Variants in LIMD1 observed in about 807,000 individuals in gnomAD.
LIMD1 encodes the protein LIM domain-containing protein 1.
A neutral mutation model predicts 58.4 loss-of-function variants in LIMD1; 23 were observed. The ratio of observed to expected loss-of-function variants is 0.39; its 90% CI spans 0.28 to 0.56. The LOEUF (loss-of-function observed/expected upper bound fraction) is 0.56, where lower values mean the gene tolerates loss of function less well. LIMD1 is among the 20% of genes least tolerant of loss of function. LIMD1 has a pLI of 0.57. For missense variants in LIMD1, 838 were observed against 855.5 expected (o/e 0.98, Z 0.25); for synonymous variants, 334 against 345.5 (o/e 0.97, Z 0.37).
At chr3:45,619,565 A>G (rs2125653562) in intron 1 of LIMD1, among the ~76,000 whole-genome samples, 1 of 152,290 alleles carries the variant, frequency 6.6e-6, no homozygotes, top group South Asian at 2.1e-4. Flanking sequence ...TTGGGAGGCC[A>G]AGATGGGCAG....
At chr3:45,615,846 A>G (rs1396193605) in intron 1 of LIMD1, among the ~76,000 whole-genome samples, 1 of 147,366 alleles carries the variant, frequency 6.8e-6, no homozygotes, top group African/African-American at 2.5e-5. Flanking sequence ...TCCGCACTGT[A>G]TGTCCATAGG....
chr3:45,635,499 A>C (rs192755236), intron 1 of LIMD1, among the ~76,000 whole-genome samples: 1 of 152,194 alleles, frequency 6.6e-6, no homozygotes, highest in African/African-American at 2.4e-5. Flanking sequence ...ACTTGCTTGC[A>C]GTCTGACAAA....
rs1456136603 is a variant in LIMD1, at chr3:45,596,226, A to G, written c.1347A>G (p.Leu449=). The G allele has an allele frequency of 6.2e-7, 1 of 1,613,140 alleles. No homozygotes were observed. Among genetic ancestry groups the G allele is most frequent in the East Asian group, 2.2e-5 (1 of 44,874 alleles). Residue 449 remains leucine, a synonymous_variant, in exon 1 of 8, where the codon TTA becomes TTG. Transcript: ENST00000273317. ...GACCCTCTGCTGCTGAGTTGAAATT[A>G]GAAGCCCTCACCCAACGTCTGGAGC... is the stretch of plus-strand genomic sequence containing the variant. ...ELRPSAAELK[L]EALTQRLERE... is the part of the protein sequence containing the mutation.
chr3:45,641,870 A>G (rs1314292277), intron 2 of LIMD1, among the ~76,000 whole-genome samples: 1 of 152,238 alleles, frequency 6.6e-6, no homozygotes, highest in Non-Finnish European at 1.5e-5. Context: ...ACTGCAGCTA[A>G]GTGGTCTCAG....
chr3:45,594,827 ACACACACACACACACACG>A lies in LIMD1; in HGVS notation c.-52_-35del, dbSNP rs1347647319. 2 of 827,178 alleles carry A rather than the reference ACACACACACACACACACG, an allele frequency of 2.4e-6. No homozygotes were observed. Among genetic ancestry groups the A allele is most frequent in the African/African-American group, 2.2e-5 (1 of 46,058 alleles). The allele number at this position is 827,178 out of a possible 1,614,324, so 51.2% of individuals were successfully genotyped here. ...CACACACACACACACACACACACAC[ACACACACACACACACACG>A]GCACCTGGGCTAGGCCCGGACACCT... On this transcript the variant is annotated 5_prime_UTR_variant, in exon 1 of 8. Transcript: ENST00000273317.
rs1697536752 is a variant in LIMD1, at chr3:45,667,643, AT to A, written c.1579-648del. Among the ~76,000 whole-genome samples, 3 of 151,508 alleles carry A rather than the reference AT, an allele frequency of 2.0e-5. No homozygotes were observed. In the South Asian group the frequency reaches 6.3e-4, roughly 32 times the overall value. On this transcript the variant is annotated intron_variant, in intron 3 of 7. Coordinates refer to ENST00000273317, the MANE Select transcript of LIMD1 (RefSeq NM_014240.3). ...TAAGATAAGGTAAGGTAAAGTAGAT[AT>A]TTATTAAGTTTCTTTGAAGCTAACT... is the stretch of plus-strand genomic sequence containing the variant.
chr3:45,597,353 T>C (rs1188775712), intron 1 of LIMD1, among the ~76,000 whole-genome samples: 1 of 152,158 alleles, frequency 6.6e-6, no homozygotes, highest in African/African-American at 2.4e-5. Context: ...TAACCCAGCC[T>C]ACACCCAGGT....
chr3:45,651,122 G>A (rs544787846), intron 2 of LIMD1, among the ~76,000 whole-genome samples: 6 of 152,116 alleles, frequency 3.9e-5, no homozygotes. Flanking sequence ...TCTGTTGGCT[G>A]CATAAATGTC....
intron 2 of LIMD1, among the ~76,000 whole-genome samples, chr3:45,663,701 T>G (rs1015153288): frequency 9.9e-5 from 15 of 152,014 alleles, no homozygotes; most frequent in African/African-American, 3.6e-4. Flanking sequence ...ATTGGTGTTC[T>G]TTGTGTCTTA....
chr3:45,675,061 G>A (rs964304769), intron 7 of LIMD1, among the ~76,000 whole-genome samples: 2 of 152,218 alleles, frequency 1.3e-5, no homozygotes, highest in African/African-American at 4.8e-5. Context: ...TGGTGACCCT[G>A]TGGGTAGAGA....
rs189239345 is a variant in LIMD1, at chr3:45,655,811, G to C, written c.1511-9839G>C. 3.3e-5 allele frequency among the ~76,000 whole-genome samples: 5 copies of C among 152,214 alleles called. No homozygotes were observed. The East Asian group carries it at 5.8e-4, about 18-fold the overall frequency. ...CAGCTCCCTAGTGTTACGTCTCTACGTATGAGCCGCCATAACAAGTCAGTG... is the reference window on the plus strand; with the variant it reads ...CAGCTCCCTAGTGTTACGTCTCTACCTATGAGCCGCCATAACAAGTCAGTG... On this transcript the variant is annotated intron_variant, in intron 2 of 7. Transcript: ENST00000273317.
At chr3:45,657,908 C>T (rs574424426) in intron 2 of LIMD1, among the ~76,000 whole-genome samples, 15 of 152,156 alleles carry the variant, frequency 9.9e-5, no homozygotes, top group African/African-American at 2.9e-4. Flanking sequence ...TATTTCTGCC[C>T]GACTCTTTAC....
Position 45,668,295 on chromosome 3 carries a change from A to T in LIMD1, c.1580A>T (p.Tyr527Phe), listed in dbSNP as rs200959391. The change falls in exon 4 of 8, where the codon TAC (tyrosine) becomes TTC (phenylalanine). Residue 527 changes from tyrosine to phenylalanine, a missense_variant and splice_region_variant. Physicochemically the swap from Tyr to Phe is conservative, Grantham distance 22. Transcript: ENST00000273317. ...GKVFCEEDFL[Y>F]SGFQQSADRC... ...CTTTCTTTTCTTTTTCTTCTGCAGT[A>T]CTCTGGTTTCCAGCAGTCGGCTGAC... 140 of 1,611,626 alleles carry T rather than the reference A, an allele frequency of 8.7e-5. No individual in the cohort carries two copies. Among genetic ancestry groups the T allele is most frequent in the Non-Finnish European group, 1.2e-4 (138 of 1,178,696 alleles).
intron 1 of LIMD1, among the ~76,000 whole-genome samples, chr3:45,599,517 C>T (rs550308259): frequency 1.3e-5 from 2 of 152,316 alleles, no homozygotes; most frequent in East Asian, 3.9e-4. Context: ...GTCAAGTGTT[C>T]TGGGTGTAAT....
At chr3:45,630,220 G>A (rs1298942443) in intron 1 of LIMD1, among the ~76,000 whole-genome samples, 4 of 152,198 alleles carry the variant, frequency 2.6e-5, no homozygotes, top group Non-Finnish European at 5.9e-5. Flanking sequence ...CAAAGCCAAG[G>A]GAGGCTAAGA....
At chr3:45,598,767 GAGC>G (rs948161015) in intron 1 of LIMD1, among the ~76,000 whole-genome samples, 2 of 152,202 alleles carry the variant, frequency 1.3e-5, no homozygotes, top group African/African-American at 4.8e-5. Flanking sequence ...AGATGCATTT[GAGC>G]AAAGGCAGGC....
chr3:45,654,812 C>CAAAAAAAAAAAAAAAAAA, intron 2 of LIMD1, among the ~76,000 whole-genome samples: 1 of 56,516 alleles, frequency 1.8e-5, no homozygotes, highest in Non-Finnish European at 3.9e-5. Flanking sequence ...GACCCTGTCT[C>CAAAAAAAAAAAAAAAAAA]AAAAAAAAAA....
At chr3:45,615,612 C>T (rs1054940053) in intron 1 of LIMD1, among the ~76,000 whole-genome samples, 5 of 151,872 alleles carry the variant, frequency 3.3e-5, no homozygotes, top group Non-Finnish European at 7.4e-5. Context: ...AAAAATTAGC[C>T]GGGCAAGGTG....
intron 1 of LIMD1, among the ~76,000 whole-genome samples, chr3:45,611,430 G>A (rs569069769): frequency 5.9e-5 from 9 of 152,324 alleles, no homozygotes; most frequent in South Asian, 2.1e-4. Context: ...ACTTTCCAGC[G>A]CCTTAAAAAA....
Sources: gnomAD v4.1 joint callset for allele counts (sites outside exome capture counted in the v4.1 genomes callset) on GRCh38, gnomAD v4.1.1 for gene constraint, MANE v1.5 for transcripts, NCBI Gene and HGNC (gene_info 2026-07-23, HGNC 2026-07-21) for gene names.